The following ATAD5 variants were observed in gnomAD, a reference collection of about 807,000 sequenced individuals.
The protein encoded by ATAD5 is ATPase family AAA domain containing 5.
Under a neutral mutation model 176.9 loss-of-function variants are expected in ATAD5, and 58 were observed. That is an observed-to-expected ratio of 0.33 (90% CI 0.27 to 0.41). The LOEUF (loss-of-function observed/expected upper bound fraction) is 0.41, where lower values mean the gene tolerates loss of function less well. Among genes scored for constraint, ATAD5 ranks in the 10% least tolerant of loss-of-function variants. The pLI is 1.00. For missense variants in ATAD5, 1,789 were observed against 2,094.1 expected, an observed-to-expected ratio of 0.85 and a Z score of 2.84; for synonymous variants, 640 against 712.6, an observed-to-expected ratio of 0.90 and a Z score of 1.62.
At chr17:30,847,581 C>T (rs760000469) in intron 6 of ATAD5, among the ~76,000 whole-genome samples, 4 of 151,950 alleles carry the variant, frequency 2.6e-5, no homozygotes, top group South Asian at 2.1e-4. Flanking sequence ...CCGCCTGCCT[C>T]GGCCTCCCAA....
intron 1 of ATAD5, 117 bp downstream of exon 1, chr17:30,832,530 G>T: frequency 1.9e-6 from 2 of 1,053,562 alleles, no homozygotes; most frequent in Non-Finnish European, 2.6e-6. Flanking sequence ...ACATTGTGAG[G>T]ACCCACAGCT....
intron 6 of ATAD5, among the ~76,000 whole-genome samples, chr17:30,849,794 A>G (rs1361454859): frequency 2.0e-5 from 3 of 152,230 alleles, no homozygotes; most frequent in Non-Finnish European, 2.9e-5. Context: ...GACAAACCTA[A>G]CATTTAAAAG....
Position 30,876,388 on chromosome 17 carries a change from C to G in ATAD5, c.3622C>G (p.Pro1208Ala). ...IGKSPKKISS[P>A]KKVVTSPRKV... is the part of the protein sequence containing the mutation. ...TTTTTGGGCAGAAAAAATAAGCTCC[C>G]CTAAGAAAGTTGTTACATCACCAAG... Residue 1208 changes from proline to alanine, a missense_variant, in exon 15 of 23, where the codon CCT becomes GCT. This residue lies in a region of ATAD5 where 194 missense variants were observed against 270.1 expected (regional missense o/e 0.72). Coordinates refer to ENST00000321990, the MANE Select transcript of ATAD5 (RefSeq NM_024857.5). The G allele has an allele frequency of 6.3e-7, 1 of 1,582,314 alleles. No individual in the cohort carries two copies. The highest frequency in any genetic ancestry group is 8.6e-7 in the Non-Finnish European group (1 of 1,168,468).
At chr17:30,872,547 CTTTTTTCTTTTT>C (rs1437506573) in intron 14 of ATAD5, among the ~76,000 whole-genome samples, 177 of 92,646 alleles carry the variant, frequency 1.9e-3, no homozygotes, top group African/African-American at 5.0e-3. Context: ...TTTTTTTTTT[CTTTTTTCTTTTT>C]TTTTTTCTTT....
intron 6 of ATAD5, among the ~76,000 whole-genome samples, chr17:30,852,846 C>T (rs894024869): frequency 6.6e-6 from 1 of 151,896 alleles, no homozygotes; most frequent in Non-Finnish European, 1.5e-5. Flanking sequence ...CCCCATGACC[C>T]CAAACACCTA....
At chr17:30,840,843 AAGGAAACC>A in intron 4 of ATAD5, 62 bp downstream of exon 4, 1 of 1,466,286 alleles carries the variant, frequency 6.8e-7, no homozygotes, top group Non-Finnish European at 9.3e-7. Flanking sequence ...GGAGTGGGAG[AAGGAAACC>A]ATTATAAAGT....
rs72046933 is a variant in ATAD5 at position 30,841,954 on chromosome 17, G to GAA, written c.2241+1177_2241+1178dup. Among the ~76,000 whole-genome samples, 253 of 151,886 alleles carry GAA rather than the reference G, an allele frequency of 1.7e-3. 1 individual carries two copies. Among genetic ancestry groups the GAA allele is most frequent in the African/African-American group, 5.7e-3 (238 of 41,406 alleles). On this transcript the variant is annotated intron_variant, in intron 4 of 22. Transcript: ENST00000321990. ...ACTCTTCTGGTTGAATATATAAAAA[G>GAA]AAAAATAAAAACAAATTAAAAAAAT...
chr17:30,848,331 G>A lies in ATAD5; in HGVS notation c.2450+3415G>A, dbSNP rs565336615. On this transcript the variant is annotated intron_variant, in intron 6 of 22. Transcript: ENST00000321990. ...CGCAATTACAGCTTACTGTAGCCGT[G>A]ACCTCCAAGGGTCAGGTGATCGTCC... is the stretch of plus-strand genomic sequence containing the variant. Among the ~76,000 whole-genome samples the A allele has an allele frequency of 5.9e-5, 9 of 151,694 alleles. No individual in the cohort carries two copies. In the South Asian group the frequency reaches 1.9e-3, roughly 32 times the overall value.
At chr17:30,850,556 C>T (rs1481247816) in intron 6 of ATAD5, among the ~76,000 whole-genome samples, 1 of 151,586 alleles carries the variant, frequency 6.6e-6, no homozygotes, top group East Asian at 1.9e-4. Flanking sequence ...CAAGTTGTTG[C>T]TGTGTTACCC....
In ATAD5 at chr17:30,834,657, T is replaced by A. The variant is rs1327407805; in HGVS notation, c.576T>A (p.Asn192Lys). ...CCCTGCAAAATTCTAAAAAAGTAAA[T>A]CCTAAACAAGGGACCACAAAAAATG... ...MTSLQNSKKV[N>K]PKQGTTKNDF... The change falls in exon 2 of 23, where the codon AAT becomes AAA. Residue 192 changes from asparagine to lysine, a missense_variant. Transcript: ENST00000321990. 6.2e-7 allele frequency: 1 copy of A among 1,609,884 alleles called. No individual in the cohort carries two copies. The highest frequency in any genetic ancestry group is 8.5e-7 in the Non-Finnish European group (1 of 1,179,086).
chr17:30,869,741 A>G, intron 14 of ATAD5, 95 bp downstream of exon 14: 1 of 1,377,374 alleles, frequency 7.3e-7, no homozygotes, highest in South Asian at 1.3e-5. Context: ...TTTATTTTTT[A>G]TCTTCTACAC....
intron 19 of ATAD5, among the ~76,000 whole-genome samples, chr17:30,890,239 A>G (rs1187437335): frequency 6.6e-6 from 1 of 151,808 alleles, no homozygotes; most frequent in African/African-American, 2.4e-5. Context: ...TATTCAGTGT[A>G]AGCCCATAGC....
Position 30,893,459 on chromosome 17 carries a change from G to A in ATAD5, c.4606G>A (p.Asp1536Asn), listed in dbSNP as rs1461433787. 6.2e-7 allele frequency: 1 copy of A among 1,613,882 alleles called. No individual in the cohort carries two copies. The highest frequency in any genetic ancestry group is 2.2e-5 in the East Asian group (1 of 44,872). Reference sequence around the variant, plus strand: ...CTTTTGTGGCCCATCAGTAACTGTGGATGCCAGTGCAGCAACAAAAAGTAT... The same window carrying A: ...CTTTTGTGGCCCATCAGTAACTGTGAATGCCAGTGCAGCAACAAAAAGTAT... Reference protein sequence around the residue: ...KNFCGPSVTVDASAATKSMNC... With the variant: ...KNFCGPSVTVNASAATKSMNC... Residue 1536 changes from aspartate (D) to asparagine (N), a missense_variant, in exon 21 of 23, where the codon GAT becomes AAT. Physicochemically the swap from Asp to Asn is conservative, Grantham distance 23. This residue lies in a region of ATAD5 where 403 missense variants were observed against 495.1 expected (regional missense o/e 0.81). Transcript: ENST00000321990.
At chr17:30,876,640 C>G in intron 15 of ATAD5, 90 bp downstream of exon 15, 1 of 667,640 alleles carries the variant, frequency 1.5e-6, no homozygotes, top group Non-Finnish European at 2.2e-6. Flanking sequence ...GTTCCTGTTG[C>G]TATTTATTAA....
chr17:30,837,410 A>G, intron 3 of ATAD5, 96 bp downstream of exon 3: 1 of 788,010 alleles, frequency 1.3e-6, no homozygotes, highest in Non-Finnish European at 2.0e-6. Flanking sequence ...AATGAGCCAA[A>G]ATAAAATTCA....
chr17:30,883,551 A>G (rs1187943359), intron 18 of ATAD5, among the ~76,000 whole-genome samples: 2 of 151,870 alleles, frequency 1.3e-5, no homozygotes, highest in Non-Finnish European at 2.9e-5. Flanking sequence ...AAAATTAATT[A>G]TTATTATTTT....
intron 13 of ATAD5, 26 bp downstream of exon 13, chr17:30,869,416 T>C (rs374347289): frequency 1.6e-5 from 26 of 1,609,456 alleles, no homozygotes; most frequent in Non-Finnish European, 2.2e-5. Flanking sequence ...GATGAGAGAA[T>C]GTTAATGTAA....
chr17:30,885,644 T>TG (rs1909279261), intron 18 of ATAD5, among the ~76,000 whole-genome samples: 1 of 138,234 alleles, frequency 7.2e-6, no homozygotes, highest in Non-Finnish European at 1.6e-5. Context: ...TTTTTTTTTT[T>TG]TTTGGTTGAG....
At position 30,876,632 on chromosome 17, in the gene ATAD5, T is replaced by C. The variant is rs914276612; in HGVS notation, c.3784+82T>C. Reference sequence around the variant, plus strand: ...AAAAATGTGAGCACATTTTACGAGTTCCTGTTGCTATTTATTAAATCTCAG... The same window carrying C: ...AAAAATGTGAGCACATTTTACGAGTCCCTGTTGCTATTTATTAAATCTCAG... On this transcript the variant is annotated intron_variant, in intron 15 of 22. Coordinates refer to ENST00000321990, the MANE Select transcript of ATAD5 (RefSeq NM_024857.5). The C allele has an allele frequency of 3.8e-6, 3 of 783,810 alleles. No homozygotes were observed. In the African/African-American group the frequency reaches 5.4e-5, roughly 14 times the overall value. 48.6% of individuals were successfully genotyped at this position (783,810 alleles called of 1,614,324 possible).
Sources: allele counts gnomAD v4.1 joint callset (sites outside exome capture counted in the v4.1 genomes callset), GRCh38; gene constraint gnomAD v4.1.1; regional missense constraint gnomAD v4.1.1; transcripts MANE v1.5; gene names NCBI Gene and HGNC (gene_info 2026-07-23, HGNC 2026-07-21).